The following C2CD2 variants were observed in gnomAD, a reference collection of about 807,000 sequenced individuals.
C2CD2 encodes the protein C2 calcium dependent domain containing 2.
A neutral mutation model predicts 74.3 loss-of-function variants in C2CD2; 43 were observed. That is an observed-to-expected ratio of 0.58 (90% CI 0.45 to 0.75). C2CD2 has a LOEUF of 0.75. C2CD2 is among the 30% of genes least tolerant of loss of function. C2CD2 has a pLI of 0.00. For synonymous variants in C2CD2, 422 were observed against 390.7 expected (o/e 1.08, Z -0.94); for missense variants, 801 against 916.3 (o/e 0.87, Z 1.63).
At chr21:41,891,013 C>T (rs1016834561) in intron 13 of C2CD2, among the ~76,000 whole-genome samples, 8 of 152,294 alleles carry the variant, frequency 5.3e-5, no homozygotes, top group African/African-American at 1.7e-4. Context: ...AAAAACTTGA[C>T]TCTCTCAACA....
rs1351453525 is a variant in C2CD2, at chr21:41,889,144, G to T, written c.2071C>A (p.Pro691Thr). Residue 691 changes from proline (P) to threonine (T), a missense_variant, in exon 14 of 14, where the codon CCC (proline) becomes ACC (threonine). By Grantham distance (38) the Pro-to-Thr change is conservative. Transcript: ENST00000380486. ...HRNKNTMNGA[P>T]VEPCT ...AGGCCCTACGTGCAGGGCTCCACGGGGGCACCGTTCATGGTGTTCTTGTTT... is the reference window on the plus strand; with the variant it reads ...AGGCCCTACGTGCAGGGCTCCACGGTGGCACCGTTCATGGTGTTCTTGTTT... 1 of 1,612,084 alleles carries T rather than the reference G, an allele frequency of 6.2e-7. No homozygotes were observed. Among genetic ancestry groups the T allele is most frequent in the African/African-American group, 1.3e-5 (1 of 74,826 alleles).
chr21:41,951,436 C>T (rs1440091878), intron 1 of C2CD2, among the ~76,000 whole-genome samples: 7 of 144,676 alleles, frequency 4.8e-5, no homozygotes, highest in African/African-American at 1.8e-4. Flanking sequence ...GCAAAAATGC[C>T]AGAGATGGCC....
rs1449086703 is a variant in C2CD2 at position 41,889,276 on chromosome 21, T to G, written c.1939A>C (p.Ser647Arg). Reference sequence around the variant, plus strand: ...AACACAAGGTCATTGTGTGACTGACTCATGCCTGGGTCTTTCTGTTGATGC... The same window carrying G: ...AACACAAGGTCATTGTGTGACTGACGCATGCCTGGGTCTTTCTGTTGATGC... ...RRHQQKDPGM[S>R]QSHNDLVFLE... Residue 647 changes from serine to arginine, a missense_variant, in exon 14 of 14, where the codon AGT (serine) becomes CGT (arginine). Physicochemically the swap from Ser to Arg is moderately radical, Grantham distance 110. Coordinates refer to ENST00000380486, the MANE Select transcript of C2CD2 (RefSeq NM_015500.2). The G allele has an allele frequency of 6.2e-7, 1 of 1,614,106 alleles. No individual in the cohort carries two copies. The highest frequency in any genetic ancestry group is 1.1e-5 in the South Asian group (1 of 91,072).
rs978343351 is a variant in C2CD2, at chr21:41,926,153, C to T, written c.379-4068G>A. On this transcript the variant is annotated intron_variant, in intron 2 of 13. Transcript: ENST00000380486. The surrounding 1 kb of genome is among the most constrained non-coding windows in gnomAD (Gnocchi z 8.0). ...AAGAACTCCACAGAGCCCAGGTCTGCATCTGCAGGAGCGAGCTCCCTCGAC... is the reference window on the plus strand; with the variant it reads ...AAGAACTCCACAGAGCCCAGGTCTGTATCTGCAGGAGCGAGCTCCCTCGAC... 1.3e-5 allele frequency among the ~76,000 whole-genome samples: 2 copies of T among 152,232 alleles called. No homozygotes were observed. Among genetic ancestry groups the T allele is most frequent in the African/African-American group, 2.4e-5 (1 of 41,470 alleles).
intron 12 of C2CD2, chr21:41,901,067 C>T (rs2064889821): frequency 6.4e-6 from 1 of 155,684 alleles, no homozygotes; most frequent in African/African-American, 2.4e-5. Flanking sequence ...TGGCCCTTCA[C>T]CTGAGGGGCT....
rs1373314022 is a variant in C2CD2, at chr21:41,939,022, G to A, written c.378+3125C>T. 1.3e-5 allele frequency among the ~76,000 whole-genome samples: 2 copies of A among 152,030 alleles called. No individual in the cohort carries two copies. The highest frequency in any genetic ancestry group is 2.9e-5 in the Non-Finnish European group (2 of 68,006). On this transcript the variant is annotated intron_variant, in intron 2 of 13. Coordinates refer to ENST00000380486, the MANE Select transcript of C2CD2 (RefSeq NM_015500.2). This position sits in a 1 kb window ranked among gnomAD's most constrained non-coding sequence, Gnocchi z 5.5. ...CTCCCAAAGTGCTGGGATTATAAGCGCGAGCCACGGCACCCGGCCTAGAAT... is the reference window on the plus strand; with the variant it reads ...CTCCCAAAGTGCTGGGATTATAAGCACGAGCCACGGCACCCGGCCTAGAAT...
rs2064814279 is a variant in C2CD2, at chr21:41,895,724, C to A, written c.1870+3329G>T. On this transcript the variant is annotated intron_variant, in intron 13 of 13. Transcript: ENST00000380486. This position sits in a 1 kb window ranked among gnomAD's most constrained non-coding sequence, Gnocchi z 5.0. ...TTAATCTAAATTATAGCTCTAATGT[C>A]ATAAATATTTCCAAATGTATTCCTA... Among the ~76,000 whole-genome samples the A allele has an allele frequency of 6.6e-6, 1 of 152,086 alleles. No homozygotes were observed. Among genetic ancestry groups the A allele is most frequent in the Admixed American group, 6.6e-5 (1 of 15,260 alleles).
rs537588985 is a variant in C2CD2, at chr21:41,953,330, G to A, written c.279+40C>T. On this transcript the variant is annotated intron_variant, in intron 1 of 13. Coordinates refer to ENST00000380486, the MANE Select transcript of C2CD2 (RefSeq NM_015500.2). ...GACCTCGGCCCGGACCGCCCGCCCC[G>A]GCATCTGCCGCCCCCCGGCCCGCAG... 7.5e-6 allele frequency: 10 copies of A among 1,325,658 alleles called. 1 individual carries two copies. In the South Asian group the frequency reaches 1.7e-4, roughly 22 times the overall value. 82.1% of individuals were successfully genotyped at this position (1,325,658 alleles called of 1,614,324 possible). A position where few individuals can be genotyped will look rare whatever the true frequency, so the allele number is the denominator to read the frequency against.
At chr21:41,938,881 A>G (rs2065331580) in intron 2 of C2CD2, among the ~76,000 whole-genome samples, 2 of 151,760 alleles carry the variant, frequency 1.3e-5, no homozygotes, top group African/African-American at 4.8e-5. Context: ...AGCTGGGATT[A>G]CAGGTGCATG....
chr21:41,913,476 C>T (rs1403358304), intron 6 of C2CD2, among the ~76,000 whole-genome samples: 3 of 152,188 alleles, frequency 2.0e-5, no homozygotes, highest in Admixed American at 2.0e-4. Context: ...AGGAACGGGG[C>T]CTGGCCTCAG....
At position 41,888,869 on chromosome 21, in the gene C2CD2, A is replaced by G. The variant is rs368007922; in HGVS notation, c.*255T>C. 2.8e-3 allele frequency: 1,591 copies of G among 564,990 alleles called. 9 individuals carry two copies. Among genetic ancestry groups the G allele is most frequent in the Non-Finnish European group, 3.7e-3 (1,174 of 315,516 alleles). The allele number at this position is 564,990 out of a possible 1,614,324, so 35.0% of individuals were successfully genotyped here. A position where few individuals can be genotyped will look rare whatever the true frequency, so the allele number is the denominator to read the frequency against. Reference sequence around the variant, plus strand: ...TATTGAACCCTAACCCTTAGCTATGAGCACAGCCCAAGCTCTGCAGCTGTC... The same window carrying G: ...TATTGAACCCTAACCCTTAGCTATGGGCACAGCCCAAGCTCTGCAGCTGTC... On this transcript the variant is annotated 3_prime_UTR_variant, in exon 14 of 14. Coordinates refer to ENST00000380486, the MANE Select transcript of C2CD2 (RefSeq NM_015500.2).
intron 2 of C2CD2, among the ~76,000 whole-genome samples, chr21:41,934,350 G>A (rs2065288385): frequency 6.6e-6 from 1 of 152,154 alleles, no homozygotes; most frequent in Non-Finnish European, 1.5e-5. Flanking sequence ...GGACTGTTGA[G>A]CCCAGGAGGT....
At position 41,953,652 on chromosome 21, in the gene C2CD2, G is replaced by T. The variant is rs2065469750; in HGVS notation, c.-4C>A. 1 of 1,430,054 alleles carries T rather than the reference G, an allele frequency of 7.0e-7. No individual in the cohort carries two copies. Among genetic ancestry groups the T allele is most frequent in the African/African-American group, 1.5e-5 (1 of 67,194 alleles). 88.6% of individuals were successfully genotyped at this position (1,430,054 alleles called of 1,614,324 possible). A position where few individuals can be genotyped will look rare whatever the true frequency, so the allele number is the denominator to read the frequency against. ...AGCCCAGCCGGGCCATGGCCATGGC[G>T]CATCCCCGGCCCGCCTCGCCCCAAC... On this transcript the variant is annotated 5_prime_UTR_variant, in exon 1 of 14. Coordinates refer to ENST00000380486, the MANE Select transcript of C2CD2 (RefSeq NM_015500.2).
chr21:41,913,076 C>T (rs2065047387), intron 6 of C2CD2, among the ~76,000 whole-genome samples: 1 of 152,218 alleles, frequency 6.6e-6, no homozygotes, highest in African/African-American at 2.4e-5. Flanking sequence ...CCATTATATA[C>T]ACAGGCATGG....
rs1418717759 is a variant in C2CD2, at chr21:41,914,704, T to C, written c.738A>G (p.Ala246=). The C allele has an allele frequency of 1.2e-6, 2 of 1,613,312 alleles. No individual in the cohort carries two copies. The highest frequency in any genetic ancestry group is 4.5e-5 in the East Asian group (2 of 44,824). Residue 246 remains alanine (A), a synonymous_variant, in exon 6 of 14, where the codon GCA becomes GCG. Coordinates refer to ENST00000380486, the MANE Select transcript of C2CD2 (RefSeq NM_015500.2). ...GAGGACAGGATTCCTGAGCAGTAGA[T>C]GCAGCACACTGTAAGTTCTGAAAAA... is the stretch of plus-strand genomic sequence containing the variant. ...VKEAQNLQCA[A]STAQESCPPK...
At chr21:41,906,950 C>G (rs369384195) in intron 10 of C2CD2, 42 bp downstream of exon 10, 1 of 1,527,850 alleles carries the variant, frequency 6.5e-7, no homozygotes. Flanking sequence ...TACAGGCAGG[C>G]GTCATGCAGA....
Position 41,945,974 on chromosome 21 carries a change from T to C in C2CD2, c.280-3729A>G, listed in dbSNP as rs143368046. Among the ~76,000 whole-genome samples, 3 of 152,314 alleles carry C rather than the reference T, an allele frequency of 2.0e-5. No individual in the cohort carries two copies. The East Asian group carries it at 5.8e-4, about 29-fold the overall frequency. The stretch of plus-strand genomic sequence containing the variant: ...TATAATAAATAGTGATAGTATGGGA[T>C]TATAACCCACAGAATAAAATCCATA... On this transcript the variant is annotated intron_variant, in intron 1 of 13. Transcript: ENST00000380486. The surrounding 1 kb of genome is among the most constrained non-coding windows in gnomAD (Gnocchi z 4.2).
intron 1 of C2CD2, 66 bp from the exon 2 acceptor site, chr21:41,942,311 C>T (rs1402687166): frequency 4.8e-6 from 6 of 1,251,500 alleles, no homozygotes; most frequent in Non-Finnish European, 6.8e-6. Context: ...AATTACATAT[C>T]TGTTTAAAGT....
chr21:41,920,479 C>T (rs930172256), intron 3 of C2CD2, among the ~76,000 whole-genome samples: 8 of 152,220 alleles, frequency 5.3e-5, no homozygotes, highest in African/African-American at 1.9e-4. Context: ...ACGATGACTT[C>T]TACTTCATAA....
Sources: allele counts gnomAD v4.1 joint callset (sites outside exome capture counted in the v4.1 genomes callset), GRCh38; gene constraint gnomAD v4.1.1; non-coding constraint Gnocchi (gnomAD v3.1); transcripts MANE v1.5; gene names NCBI Gene and HGNC (gene_info 2026-07-23, HGNC 2026-07-21).